ADGRG1: variants seen among roughly 807,000 people sequenced by gnomAD.
The protein encoded by ADGRG1 is adhesion G protein-coupled receptor G1.
Under a neutral mutation model 73.5 loss-of-function variants are expected in ADGRG1, and 53 were observed. That is an observed-to-expected ratio of 0.72 (90% CI 0.58 to 0.91). The LOEUF (loss-of-function observed/expected upper bound fraction) is 0.91. ADGRG1 is among the 40% of genes least tolerant of loss of function. The probability of loss-of-function intolerance (pLI) is 0.00; values close to 1 mark genes in which losing one functional copy is unlikely to be tolerated. For synonymous variants in ADGRG1, 394 were observed against 374.4 expected (o/e 1.05, Z -0.60); for missense variants, 795 against 871.8 (o/e 0.91, Z 1.11).
intron 1 of ADGRG1, chr16:57,633,473 G>T: frequency 1.0e-6 from 1 of 985,388 alleles, no homozygotes; most frequent in Non-Finnish European, 1.2e-6. Context: ...GTCCCCAGCT[G>T]TCCCAGACCT....
intron 10 of ADGRG1, among the ~76,000 whole-genome samples, 160 bp downstream of exon 10, chr16:57,657,651 G>A (rs893502491): frequency 3.9e-5 from 6 of 152,214 alleles, no homozygotes; most frequent in South Asian, 2.1e-4. Flanking sequence ...TGGGGGCCAC[G>A]TCTCCTCCTC....
intron 1 of ADGRG1, chr16:57,641,171 C>A: frequency 1.2e-6 from 1 of 801,278 alleles, no homozygotes; most frequent in Non-Finnish European, 1.5e-6. Flanking sequence ...GCCCACTTGA[C>A]AGAGGAGAAA....
chr16:57,622,949 G>A (rs2035149810), upstream of ADGRG1: 1 of 985,322 alleles, frequency 1.0e-6, no homozygotes, highest in South Asian at 4.7e-5. Flanking sequence ...CCCTGGGGGA[G>A]GGAGAACGTC....
intron 1 of ADGRG1, chr16:57,630,868 A>C (rs2037659198): frequency 1.3e-6 from 1 of 777,978 alleles, no homozygotes; most frequent in African/African-American, 1.9e-5. Context: ...CATTTGGGGA[A>C]CGATACAAGC....
At chr16:57,655,757 C>T in intron 6 of ADGRG1, 119 bp from the exon 7 acceptor site, 1 of 1,609,188 alleles carries the variant, frequency 6.2e-7, no homozygotes, top group African/African-American at 1.3e-5. Flanking sequence ...GAGGGAGACG[C>T]AGCATCTCAA....
rs546206493 is a variant in ADGRG1, at chr16:57,660,265, C to A, written c.1556-503C>A. 2,070 of 985,356 alleles carry A rather than the reference C, an allele frequency of 2.1e-3. 4 individuals are homozygous for A. The highest frequency in any genetic ancestry group is 4.9e-3 in the Admixed American group (80 of 16,290). 61.0% of individuals were successfully genotyped at this position (985,356 alleles called of 1,614,324 possible). A position where few individuals can be genotyped will look rare whatever the true frequency, so the allele number is the denominator to read the frequency against. ...AGCTTGCTGCTCTTCGCGGGTTTGT[C>A]ATTGGGCCCCTTCTTTGTCCATTCC... On this transcript the variant is annotated intron_variant, in intron 11 of 13. Transcript: ENST00000562631.
chr16:57,633,282 T>A (rs2038481564), intron 1 of ADGRG1: 1 of 976,946 alleles, frequency 1.0e-6, no homozygotes, highest in South Asian at 4.7e-5. Context: ...GGAGGTTTAA[T>A]CTTCCAGGTC....
intron 1 of ADGRG1, among the ~76,000 whole-genome samples, chr16:57,648,983 C>T (rs1209107103): frequency 6.6e-6 from 1 of 152,250 alleles, no homozygotes; most frequent in Non-Finnish European, 1.5e-5. Context: ...GTGCCCACTT[C>T]AGAGGGTTGG....
At chr16:57,622,264 G>T (rs2034993086) in intron 2 of ADGRG1, 1 of 152,212 alleles carries the variant, frequency 6.6e-6, no homozygotes, top group Admixed American at 6.5e-5. Context: ...CTGAGGCACA[G>T]AAAGCTCTAA....
At chr16:57,633,989 C>G (rs1416017851) in intron 1 of ADGRG1, 1 of 742,502 alleles carries the variant, frequency 1.3e-6, no homozygotes, top group Non-Finnish European at 1.6e-6. Context: ...TAATGTGACC[C>G]TGGGCTGGGG....
intron 6 of ADGRG1, 128 bp downstream of exon 6, chr16:57,655,658 C>T: frequency 1.9e-6 from 3 of 1,584,936 alleles, no homozygotes; most frequent in Non-Finnish European, 2.6e-6. Context: ...TTACAAATTG[C>T]ACTGCAATGT....
Position 57,659,637 on chromosome 16 carries a change from C to G in ADGRG1, c.1511C>G (p.Thr504Ser), listed in dbSNP as rs775153451. ...CGACTCGTGGTGGAGGTCTTTGGCACCTATGTCCCTGGCTACCTACTCAAG... is the reference window on the plus strand; with the variant it reads ...CGACTCGTGGTGGAGGTCTTTGGCAGCTATGTCCCTGGCTACCTACTCAAG... ...LYRLVVEVFG[T>S]YVPGYLLKLS... The change falls in exon 11 of 14, where the codon ACC becomes AGC. Residue 504 changes from threonine to serine, a missense_variant. By Grantham distance (58) the Thr-to-Ser change is moderately conservative (BLOSUM62 1). Coordinates refer to ENST00000562631, the MANE Select transcript of ADGRG1 (RefSeq NM_201525.4). 13 of 1,614,044 alleles carry G rather than the reference C, an allele frequency of 8.1e-6. No homozygotes were observed. The highest frequency in any genetic ancestry group is 1.6e-4 in the Middle Eastern group (1 of 6,062).
At chr16:57,637,548 C>T (rs1310233206) in intron 1 of ADGRG1, 8 of 985,304 alleles carry the variant, frequency 8.1e-6, no homozygotes, top group African/African-American at 5.2e-5. Flanking sequence ...CCGCCTTCTC[C>T]GGCCAGCAAG....
At chr16:57,662,960 G>T (rs946498150) in intron 13 of ADGRG1, 1 of 985,260 alleles carries the variant, frequency 1.0e-6, no homozygotes, top group Non-Finnish European at 1.2e-6. Flanking sequence ...ACCACATTTC[G>T]GTTATTTAAC....
In ADGRG1 at chr16:57,644,542, C is replaced by T. The variant is rs1175629593; in HGVS notation, c.-35-5711C>T. Among the ~76,000 whole-genome samples, 5 of 141,866 alleles carry T rather than the reference C, an allele frequency of 3.5e-5. No homozygotes were observed. The East Asian group carries it at 1.1e-3, about 31-fold the overall frequency. 93.1% of individuals were successfully genotyped at this position (141,866 alleles called of 152,430 possible). A position where few individuals can be genotyped will look rare whatever the true frequency, so the allele number is the denominator to read the frequency against. On this transcript the variant is annotated intron_variant, in intron 1 of 13. Transcript: ENST00000562631. ...CACACTCATCACACACATGCGCAGG[C>T]ACACACATGCACACACGGACACTTA...
At chr16:57,647,427 A>T (rs1383277461) in intron 1 of ADGRG1, 2 of 985,308 alleles carry the variant, frequency 2.0e-6, no homozygotes, top group Non-Finnish European at 2.4e-6. Flanking sequence ...AGGGGCAGGC[A>T]TGAGCTGTTT....
rs1390534835 is a variant in ADGRG1 at position 57,628,655 on chromosome 16, C to T, written c.-183C>T. The T allele has an allele frequency of 7.1e-6, 7 of 985,408 alleles. No individual in the cohort carries two copies. The highest frequency in any genetic ancestry group is 2.3e-4 in the East Asian group (2 of 8,828). The allele number at this position is 985,408 out of a possible 1,614,324, so 61.0% of individuals were successfully genotyped here. ...GCACTAGCTGTCTGCCCTGCCCTGC[C>T]GTAGGAGATGGGCTGGGAGCCTCCC... On this transcript the variant is annotated 5_prime_UTR_variant, in exon 1 of 14. Coordinates refer to ENST00000562631, the MANE Select transcript of ADGRG1 (RefSeq NM_201525.4).
In ADGRG1 at chr16:57,663,619, TTC is replaced by T. The variant is rs1384908475; in HGVS notation, c.*38_*39del. ...ACCTGCCCATGTGATGAAGCAGAGA[TTC>T]GGCCTCGTCGCACACTGCCTGTGGC... On this transcript the variant is annotated 3_prime_UTR_variant, in exon 14 of 14. Transcript: ENST00000562631. 6.2e-7 allele frequency: 1 copy of T among 1,604,956 alleles called. No individual in the cohort carries two copies. The highest frequency in any genetic ancestry group is 1.3e-5 in the African/African-American group (1 of 74,856).
chr16:57,629,059 T>A, intron 1 of ADGRG1: 1 of 498,034 alleles, frequency 2.0e-6, no homozygotes, highest in Non-Finnish European at 2.6e-6. Flanking sequence ...TGTGTGAGTA[T>A]GAGTGTGAGT....
Sources: allele counts gnomAD v4.1 joint callset (sites outside exome capture counted in the v4.1 genomes callset), GRCh38; gene constraint gnomAD v4.1.1; transcripts MANE v1.5; gene names NCBI Gene and HGNC (gene_info 2026-07-23, HGNC 2026-07-21).